CDH12: variants seen among roughly 807,000 people sequenced by gnomAD.
The protein encoded by CDH12 is cadherin-12.
A neutral mutation model predicts 74.1 loss-of-function variants in CDH12; 41 were observed. The ratio of observed to expected loss-of-function variants is 0.55; its 90% CI spans 0.43 to 0.72. The LOEUF is 0.72. CDH12 is among the 30% of genes least tolerant of loss of function. CDH12 has a pLI of 0.00. For missense variants in CDH12, 945 were observed against 977.2 expected (o/e 0.97, Z 0.44); for synonymous variants, 399 against 355.0 (o/e 1.12, Z -1.39).
intron 6 of CDH12, chr5:21,889,558 G>A: frequency 6.1e-6 from 6 of 984,062 alleles, no homozygotes; most frequent in Non-Finnish European, 7.2e-6. Context: ...TGTTTTTACA[G>A]AAGCAAAGTG....
intron 4 of CDH12, among the ~76,000 whole-genome samples, chr5:22,107,780 A>G (rs894418538): frequency 3.9e-5 from 6 of 152,106 alleles, no homozygotes; most frequent in African/African-American, 1.4e-4. Context: ...TACTTTTCCT[A>G]TGGGTCCATG....
At chr5:22,315,898 AT>A (rs987930157) in intron 3 of CDH12, among the ~76,000 whole-genome samples, 25 of 149,882 alleles carry the variant, frequency 1.7e-4, no homozygotes, top group East Asian at 9.8e-4. Flanking sequence ...TAGGAGTTTC[AT>A]TTTTTTTTTA....
intron 1 of CDH12, among the ~76,000 whole-genome samples, chr5:22,827,232 T>A (rs1426374294): frequency 6.6e-6 from 1 of 152,158 alleles, no homozygotes; most frequent in African/African-American, 2.4e-5. Flanking sequence ...GTCTTCCATG[T>A]GGTGTTGAGC....
chr5:21,955,082 C>G (rs1000590314), intron 6 of CDH12, among the ~76,000 whole-genome samples: 2 of 151,972 alleles, frequency 1.3e-5, no homozygotes, highest in Non-Finnish European at 2.9e-5. Flanking sequence ...GAATAACTGA[C>G]TTCCTATCAT....
intron 3 of CDH12, among the ~76,000 whole-genome samples, chr5:22,330,918 A>C (rs938497271): frequency 1.3e-5 from 2 of 152,040 alleles, no homozygotes; most frequent in African/African-American, 4.8e-5. Context: ...AAAGGTGAGC[A>C]CACTGCCCTA....
In CDH12 at chr5:22,430,628, T is replaced by C. The variant is rs1580642043; in HGVS notation, c.-427-25277A>G. On this transcript the variant is annotated intron_variant, in intron 2 of 14. Transcript: ENST00000382254. ...CATCCGCATCTCCTCCTGTATTCCCTGGCATATGCTAACTCTGAGTAGGTA... is the reference window on the plus strand; with the variant it reads ...CATCCGCATCTCCTCCTGTATTCCCCGGCATATGCTAACTCTGAGTAGGTA... 3.3e-5 allele frequency among the ~76,000 whole-genome samples: 5 copies of C among 152,266 alleles called. No individual in the cohort carries two copies. In the Middle Eastern group the frequency reaches 0.017, roughly 518 times the overall value.
intron 2 of CDH12, among the ~76,000 whole-genome samples, chr5:22,483,095 G>C (rs1044061833): frequency 2.0e-5 from 3 of 151,986 alleles, no homozygotes; most frequent in Admixed American, 6.6e-5. Context: ...AAGATATACA[G>C]ATTTTTTTAA....
intron 3 of CDH12, among the ~76,000 whole-genome samples, chr5:22,306,951 T>C (rs1561299455): frequency 1.3e-5 from 2 of 152,224 alleles, no homozygotes; most frequent in Non-Finnish European, 1.5e-5. Context: ...ATTAAGCTGC[T>C]ATTTTTATCT....
intron 3 of CDH12, among the ~76,000 whole-genome samples, chr5:22,258,994 C>T (rs1561262027): frequency 6.6e-6 from 1 of 152,118 alleles, no homozygotes; most frequent in Non-Finnish European, 1.5e-5. Flanking sequence ...CAGATCTAGT[C>T]AGTGCCATTG....
At chr5:22,459,253 T>G (rs1380275662) in intron 2 of CDH12, among the ~76,000 whole-genome samples, 2 of 152,086 alleles carry the variant, frequency 1.3e-5, no homozygotes, top group African/African-American at 4.8e-5. Flanking sequence ...AAAATTTATA[T>G]TATGAATATT....
At chr5:22,532,791 C>A (rs1279297098) in intron 1 of CDH12, among the ~76,000 whole-genome samples, 1 of 151,940 alleles carries the variant, frequency 6.6e-6, no homozygotes, top group Non-Finnish European at 1.5e-5. Context: ...TTAAAAAGAT[C>A]TTGCAGCATG....
chr5:22,489,559 A>G (rs1746774699), intron 2 of CDH12, among the ~76,000 whole-genome samples: 1 of 152,160 alleles, frequency 6.6e-6, no homozygotes, highest in Non-Finnish European at 1.5e-5. Context: ...ACAAAAAATA[A>G]TCTCAAGGAG....
intron 6 of CDH12, among the ~76,000 whole-genome samples, chr5:21,898,057 G>A (rs1453181683): frequency 6.6e-6 from 1 of 151,570 alleles, no homozygotes; most frequent in Non-Finnish European, 1.5e-5. Context: ...CTTAATGACA[G>A]GCATGACCTT....
At chr5:22,109,502 T>C (rs1414506649) in intron 4 of CDH12, among the ~76,000 whole-genome samples, 2 of 152,198 alleles carry the variant, frequency 1.3e-5, no homozygotes, top group Admixed American at 1.3e-4. Context: ...GCTGTCACTA[T>C]GAGTAATGAA....
chr5:21,891,572 T>TACACACACACACACACACACACAC (rs66657734), intron 6 of CDH12, among the ~76,000 whole-genome samples: 11 of 144,974 alleles, frequency 7.6e-5, no homozygotes, highest in South Asian at 2.2e-4. Flanking sequence ...CACACACACA[T>TACACACACACACACACACACACAC]ACACACACAC....
chr5:21,896,089 G>A (rs1368828828), intron 6 of CDH12, among the ~76,000 whole-genome samples: 7 of 152,262 alleles, frequency 4.6e-5, no homozygotes, highest in African/African-American at 1.7e-4. Flanking sequence ...TCTACATAGC[G>A]TAAGGTTTGA....
At chr5:22,102,040 A>AG (rs1237797280) in intron 4 of CDH12, among the ~76,000 whole-genome samples, 2 of 152,184 alleles carry the variant, frequency 1.3e-5, no homozygotes, top group Admixed American at 6.5e-5. Context: ...CTGACCTCTA[A>AG]AATCTGAAGA....
At chr5:21,839,258 A>G (rs1749708914) in intron 8 of CDH12, among the ~76,000 whole-genome samples, 1 of 152,180 alleles carries the variant, frequency 6.6e-6, no homozygotes, top group African/African-American at 2.4e-5. Flanking sequence ...GTTTTCCTTA[A>G]TAACAAAATA....
chr5:22,531,460 C>T (rs1239355496), intron 1 of CDH12, among the ~76,000 whole-genome samples: 1 of 152,046 alleles, frequency 6.6e-6, no homozygotes, highest in African/African-American at 2.4e-5. Context: ...GTAGCTACCA[C>T]ATTTATAAAT....
Sources: gnomAD v4.1 joint callset for allele counts (sites outside exome capture counted in the v4.1 genomes callset) on GRCh38, gnomAD v4.1.1 for gene constraint, MANE v1.5 for transcripts, NCBI Gene and HGNC (gene_info 2026-07-23, HGNC 2026-07-21) for gene names.